The following LYN variants were observed in gnomAD, a reference collection of about 807,000 sequenced individuals.
The protein encoded by LYN is LYN proto-oncogene, Src family tyrosine kinase, also known as tyrosine-protein kinase Lyn.
In LYN, 12 loss-of-function variants were observed where a neutral mutation model predicts 65.0. That is an observed-to-expected ratio of 0.18 (90% confidence interval 0.12 to 0.30). LYN has a LOEUF of 0.30. Among genes scored for constraint, LYN ranks in the 10% least tolerant of loss-of-function variants. The pLI, the probability that LYN is intolerant of heterozygous loss-of-function variation, is 1.00. For synonymous variants in LYN, 222 were observed against 221.2 expected (o/e 1.00, Z -0.03); for missense variants, 380 against 623.2 (o/e 0.61, Z 4.16).
chr8:55,944,687 G>T (rs964946013), intron 2 of LYN, among the ~76,000 whole-genome samples: 1 of 152,122 alleles, frequency 6.6e-6, no homozygotes, highest in African/African-American at 2.4e-5. Context: ...TGCCATGTTG[G>T]CCAGGCTTGT....
intron 1 of LYN, among the ~76,000 whole-genome samples, chr8:55,939,233 CTT>C (rs760568071): frequency 1.3e-5 from 2 of 152,160 alleles, no homozygotes; most frequent in African/African-American, 2.4e-5. Context: ...ACCCCAAACA[CTT>C]TGTGAGCAGA....
intron 1 of LYN, among the ~76,000 whole-genome samples, chr8:55,880,711 G>A (rs1344995200): frequency 1.3e-5 from 2 of 152,360 alleles, no homozygotes; most frequent in Non-Finnish European, 2.9e-5. Context: ...TCCCGCTGCG[G>A]CGCCTCTCGG....
At chr8:55,914,222 G>T (rs1438000876) in intron 1 of LYN, among the ~76,000 whole-genome samples, 1 of 151,960 alleles carries the variant, frequency 6.6e-6, no homozygotes, top group Non-Finnish European at 1.5e-5. Context: ...AGGTGTAGGA[G>T]GGTCTGGAGG....
chr8:55,886,017 G>A (rs1277852228), intron 1 of LYN, among the ~76,000 whole-genome samples: 1 of 152,128 alleles, frequency 6.6e-6, no homozygotes, highest in African/African-American at 2.4e-5. Flanking sequence ...GCTTTGCGAA[G>A]CCCACCCTGG....
intron 1 of LYN, among the ~76,000 whole-genome samples, chr8:55,895,251 G>T (rs956406776): frequency 6.6e-6 from 1 of 152,094 alleles, no homozygotes; most frequent in Non-Finnish European, 1.5e-5. Context: ...TGAGAATGGA[G>T]GGAATATTGG....
chr8:55,943,871 T>G (rs1421269071), intron 2 of LYN, among the ~76,000 whole-genome samples: 2 of 152,042 alleles, frequency 1.3e-5, no homozygotes, highest in African/African-American at 4.8e-5. Flanking sequence ...TCACCTGAGG[T>G]CAGGAGTTCA....
chr8:55,987,215 C>A (rs943492263), intron 10 of LYN, among the ~76,000 whole-genome samples: 7 of 151,988 alleles, frequency 4.6e-5, no homozygotes, highest in African/African-American at 1.7e-4. Flanking sequence ...GAGTTCGAGA[C>A]CACACTGGGG....
intron 8 of LYN, among the ~76,000 whole-genome samples, chr8:55,957,662 G>T (rs1164203152): frequency 1.3e-5 from 2 of 152,188 alleles, no homozygotes; most frequent in African/African-American, 4.8e-5. Context: ...GCAGTTGTTG[G>T]CAGGGCACGG....
chr8:55,984,699 C>A (rs1004727713), intron 10 of LYN, among the ~76,000 whole-genome samples: 1 of 152,224 alleles, frequency 6.6e-6, no homozygotes, highest in Non-Finnish European at 1.5e-5. Flanking sequence ...AGTGGTCACA[C>A]AGCAGTCAGA....
chr8:55,908,401 C>T (rs1047534008), intron 1 of LYN, among the ~76,000 whole-genome samples: 2 of 151,662 alleles, frequency 1.3e-5, no homozygotes, highest in Non-Finnish European at 2.9e-5. Context: ...CCCCCCACCG[C>T]GACCTGCTAA....
intron 1 of LYN, among the ~76,000 whole-genome samples, chr8:55,914,412 G>A (rs1398279724): frequency 6.6e-6 from 1 of 151,980 alleles, no homozygotes; most frequent in African/African-American, 2.4e-5. Flanking sequence ...AGTGAGAGTG[G>A]AAGAAGAAAA....
At chr8:55,916,041 G>A (rs915034077) in intron 1 of LYN, among the ~76,000 whole-genome samples, 2 of 152,098 alleles carry the variant, frequency 1.3e-5, no homozygotes, top group South Asian at 2.1e-4. Flanking sequence ...TAAAATAATG[G>A]TATAAAAATT....
intron 10 of LYN, among the ~76,000 whole-genome samples, chr8:55,978,877 C>A (rs1349228960): frequency 6.6e-6 from 1 of 152,108 alleles, no homozygotes; most frequent in African/African-American, 2.4e-5. Context: ...ATCCCTAGAA[C>A]CCTGTTCTCT....
In LYN at chr8:55,937,943, C is replaced by T. The variant is rs146780339; in HGVS notation, c.-5-3912C>T. Among the ~76,000 whole-genome samples the T allele has an allele frequency of 3.4e-3, 512 of 152,236 alleles. 3 individuals carry two copies. Among genetic ancestry groups the T allele is most frequent in the African/African-American group, 0.012 (482 of 41,512 alleles). ...AACCCCTGACCTCAGATGATCCACC[C>T]GCCTCGGCCTCCCAAAGTTCTGGGA... On this transcript the variant is annotated intron_variant, in intron 1 of 12. Transcript: ENST00000519728.
At chr8:55,962,800 G>A (rs11998707) in intron 8 of LYN, among the ~76,000 whole-genome samples, 1,687 of 152,214 alleles carry the variant, frequency 0.011, 30 homozygotes, top group African/African-American at 0.039. Context: ...TTTGCTTTAC[G>A]GTTCTTCAGA....
Position 55,911,194 on chromosome 8 carries a change from C to CGTATATAT in LYN, c.-5-30661_-5-30660insGTATATAT, listed in dbSNP as rs1429703171. Among the ~76,000 whole-genome samples, 23 of 15,974 alleles carry CGTATATAT rather than the reference C, an allele frequency of 1.4e-3. 4 individuals carry two copies. The highest frequency in any genetic ancestry group is 3.6e-3 in the African/African-American group (23 of 6,478). The allele number at this position is 15,974 out of a possible 152,430, so 10.5% of individuals were successfully genotyped here. On this transcript the variant is annotated intron_variant, in intron 1 of 12. Transcript: ENST00000519728. ...ACACGTATATATATATATATACACA[C>CGTATATAT]ACACATATATATATACACGTGTATA...
intron 8 of LYN, among the ~76,000 whole-genome samples, chr8:55,959,106 C>T (rs1807203009): frequency 2.0e-5 from 3 of 152,196 alleles, no homozygotes; most frequent in Admixed American, 6.5e-5. Flanking sequence ...TCTCCACAGC[C>T]TCACCAACAG....
At chr8:55,964,043 G>A (rs946438270) in intron 8 of LYN, among the ~76,000 whole-genome samples, 2 of 152,058 alleles carry the variant, frequency 1.3e-5, no homozygotes, top group Non-Finnish European at 2.9e-5. Flanking sequence ...CTACAGAAAA[G>A]GCCATATTGC....
At chr8:55,997,374 G>T (rs931066588) in intron 10 of LYN, among the ~76,000 whole-genome samples, 4 of 152,134 alleles carry the variant, frequency 2.6e-5, no homozygotes, top group African/African-American at 9.7e-5. Flanking sequence ...CATAGACTGG[G>T]TGGCTTAAAC....
Sources: gnomAD v4.1 joint callset for allele counts (sites outside exome capture counted in the v4.1 genomes callset) on GRCh38, gnomAD v4.1.1 for gene constraint, MANE v1.5 for transcripts, NCBI Gene and HGNC (gene_info 2026-07-23, HGNC 2026-07-21) for gene names.